CLNK: variants seen among roughly 807,000 people sequenced by gnomAD.
CLNK encodes the protein cytokine-dependent hematopoietic cell linker.
Under a neutral mutation model 68.6 loss-of-function variants are expected in CLNK, and 74 were observed. The observed-to-expected ratio is 1.08, with a 90% confidence interval of 0.89 to 1.31. The LOEUF (loss-of-function observed/expected upper bound fraction) is 1.31. CLNK is among the 50% of genes most tolerant of loss of function. The pLI is 0.00. For missense variants in CLNK, 553 were observed against 515.3 expected (o/e 1.07, Z -0.71); for synonymous variants, 198 against 172.2 (o/e 1.15, Z -1.17).
chr4:10,538,655 C>G (rs1718894374), intron 11 of CLNK, among the ~76,000 whole-genome samples: 1 of 152,202 alleles, frequency 6.6e-6, no homozygotes. Flanking sequence ...TACTCCTAGT[C>G]TGATTAGGTT....
the CLNK span, among the ~76,000 whole-genome samples, chr4:10,718,370 CA>C: frequency 6.6e-6 from 1 of 151,716 alleles, no homozygotes; most frequent in African/African-American, 2.4e-5. Flanking sequence ...AAACTAAAGA[CA>C]AAGAAAAAAT....
chr4:10,678,827 A>G (rs879127913), intron 1 of CLNK, among the ~76,000 whole-genome samples: 1 of 152,220 alleles, frequency 6.6e-6, no homozygotes, highest in Admixed American at 6.5e-5. Context: ...GACCTCTTCA[A>G]GGAGAACTAC....
At chr4:10,651,386 A>G (rs1723729882) in intron 2 of CLNK, among the ~76,000 whole-genome samples, 1 of 152,226 alleles carries the variant, frequency 6.6e-6, no homozygotes, top group South Asian at 2.1e-4. Flanking sequence ...GGATGAGCTC[A>G]TGTCCTTTGC....
chr4:10,659,804 A>G (rs1028483344), intron 2 of CLNK, among the ~76,000 whole-genome samples: 2 of 152,030 alleles, frequency 1.3e-5, no homozygotes, highest in South Asian at 2.1e-4. Flanking sequence ...TTTCCTTTCC[A>G]AGGGATACAT....
rs373590436 is a variant in CLNK, at chr4:10,599,639, G to C, written c.12-1590C>G. Among the ~76,000 whole-genome samples, 21 of 152,102 alleles carry C rather than the reference G, an allele frequency of 1.4e-4. No homozygotes were observed. The East Asian group carries it at 3.7e-3, about 27-fold the overall frequency. ...AGCAGACACAGGCCTTTTTCCTAGCGAGAAGCTCCATTGCTCACATGGTTT... is the reference window on the plus strand; with the variant it reads ...AGCAGACACAGGCCTTTTTCCTAGCCAGAAGCTCCATTGCTCACATGGTTT... On this transcript the variant is annotated intron_variant, in intron 2 of 18. Transcript: ENST00000226951.
the CLNK span, among the ~76,000 whole-genome samples, chr4:10,728,281 A>C: frequency 0.093 from 14,107 of 152,244 alleles, 749 homozygotes; most frequent in East Asian, 0.19. Context: ...AATATTTGCC[A>C]AACGTTTTTA....
chr4:10,649,883 A>C (rs1307733095), intron 2 of CLNK, among the ~76,000 whole-genome samples: 2 of 149,198 alleles, frequency 1.3e-5, no homozygotes, highest in African/African-American at 4.9e-5. Context: ...AGACAAAATA[A>C]AAAAAAAAAT....
At chr4:10,628,018 C>T (rs533417446) in intron 2 of CLNK, among the ~76,000 whole-genome samples, 1 of 152,376 alleles carries the variant, frequency 6.6e-6, no homozygotes, top group Admixed American at 6.5e-5. Context: ...GCTAGTGAGA[C>T]CGCCACCTCT....
chr4:10,598,775 T>C, intron 2 of CLNK: 1 of 371,768 alleles, frequency 2.7e-6, no homozygotes, highest in Non-Finnish European at 5.4e-6. Flanking sequence ...TTTGCAGGCA[T>C]TTCATTAGCT....
intron 2 of CLNK, among the ~76,000 whole-genome samples, chr4:10,649,240 T>C (rs1295860373): frequency 1.3e-5 from 2 of 152,190 alleles, no homozygotes; most frequent in Non-Finnish European, 2.9e-5. Flanking sequence ...TTATTTCTTG[T>C]AGCATAATAA....
the CLNK span, among the ~76,000 whole-genome samples, chr4:10,694,055 G>A: frequency 6.6e-6 from 1 of 152,020 alleles, no homozygotes; most frequent in South Asian, 2.1e-4. Context: ...AGCTTCTTCA[G>A]CGTTTGCTAT....
At chr4:10,721,277 A>C in the CLNK span, among the ~76,000 whole-genome samples, 1 of 152,150 alleles carries the variant, frequency 6.6e-6, no homozygotes, top group African/African-American at 2.4e-5. Flanking sequence ...TATCGACTGC[A>C]TGCCCTGATG....
At chr4:10,587,208 C>G (rs1721001928) in intron 3 of CLNK, among the ~76,000 whole-genome samples, 1 of 152,160 alleles carries the variant, frequency 6.6e-6, no homozygotes, top group Non-Finnish European at 1.5e-5. Flanking sequence ...TCAGGTGATC[C>G]ACCCGCCTCA....
chr4:10,608,803 A>G (rs1483023381), intron 2 of CLNK, among the ~76,000 whole-genome samples: 1 of 152,186 alleles, frequency 6.6e-6, no homozygotes, highest in Admixed American at 6.5e-5. Context: ...TTGAATAGCA[A>G]ACATTTATCC....
At chr4:10,580,496 A>G (rs368409087) in intron 4 of CLNK, among the ~76,000 whole-genome samples, 1 of 152,128 alleles carries the variant, frequency 6.6e-6, no homozygotes, top group African/African-American at 2.4e-5. Flanking sequence ...ACAGCTCCAT[A>G]CGTATCATTG....
In CLNK at chr4:10,488,812, A is replaced by G. The variant is rs1716446491; in HGVS notation, c.*1655T>C. ...TCTTACAAAAGAGATAATCCTGCAC[A>G]TTGTTTTTATTGTTTTCATTTGCTT... is the stretch of plus-strand genomic sequence containing the variant. On this transcript the variant is annotated 3_prime_UTR_variant, in exon 19 of 19. Transcript: ENST00000226951. 6.6e-6 allele frequency: 1 copy of G among 152,120 alleles called. No individual in the cohort carries two copies. Among genetic ancestry groups the G allele is most frequent in the Non-Finnish European group, 1.5e-5 (1 of 68,026 alleles). The allele number at this position is 152,120 out of a possible 1,614,324, so 9.4% of individuals were successfully genotyped here.
rs1016207039 is a variant in CLNK at position 10,543,563 on chromosome 4, C to A, written c.446-1283G>T. ...AGGGGGACTGGTTACTGGTTCACCA[C>A]CCCATGTCATTAAGGGCTTAATTTC... On this transcript the variant is annotated intron_variant, in intron 8 of 18. Transcript: ENST00000226951. Among the ~76,000 whole-genome samples the A allele has an allele frequency of 7.9e-5, 12 of 152,192 alleles. 1 individual carries two copies. The highest frequency in any genetic ancestry group is 2.2e-4 in the African/African-American group (9 of 41,432).
At chr4:10,520,030 G>C (rs537090271) in intron 15 of CLNK, among the ~76,000 whole-genome samples, 167 of 75,282 alleles carry the variant, frequency 2.2e-3, no homozygotes, top group South Asian at 0.015. Flanking sequence ...GCTTCCTCCA[G>C]GCTTAAGCCC....
intron 11 of CLNK, among the ~76,000 whole-genome samples, chr4:10,537,443 A>C (rs1024002114): frequency 1.3e-5 from 2 of 152,086 alleles, no homozygotes; most frequent in Admixed American, 6.6e-5. Context: ...ACATCACTGC[A>C]CTCCAGCCTG....
Sources: allele counts gnomAD v4.1 joint callset (sites outside exome capture counted in the v4.1 genomes callset), GRCh38; gene constraint gnomAD v4.1.1; transcripts MANE v1.5; gene names NCBI Gene and HGNC (gene_info 2026-07-23, HGNC 2026-07-21).